Variants in TRAPPC10 observed in about 807,000 individuals in gnomAD.
The protein encoded by TRAPPC10 is TRAPP 130 kDa subunit.
A neutral mutation model predicts 125.5 loss-of-function variants in TRAPPC10; 23 were observed. The ratio of observed to expected loss-of-function variants is 0.18; its 90% CI spans 0.13 to 0.26. TRAPPC10 has a LOEUF of 0.26. TRAPPC10 is among the 10% of genes least tolerant of loss of function. The probability of loss-of-function intolerance (pLI) is 1.00; values close to 1 mark genes in which losing one functional copy is unlikely to be tolerated. For missense variants in TRAPPC10, 1,123 were observed against 1,308.4 expected (o/e 0.86, Z 2.19); for synonymous variants, 509 against 518.0 (o/e 0.98, Z 0.24).
chr21:44,063,252 C>T lies in TRAPPC10; in HGVS notation c.791-286C>T. ...GAGACAGAGCCTGAGCTCCCCTAAC[C>T]ATGTAGCCTGTCTGTCTCTGGGTGA... On this transcript the variant is annotated intron_variant, in intron 6 of 22. Coordinates refer to ENST00000291574, the MANE Select transcript of TRAPPC10 (RefSeq NM_003274.5). The surrounding 1 kb of genome is among the most constrained non-coding windows in gnomAD (Gnocchi z 4.4). 1 of 1,254,190 alleles carries T rather than the reference C, an allele frequency of 8.0e-7. No homozygotes were observed. Among genetic ancestry groups the T allele is most frequent in the Admixed American group, 3.3e-5 (1 of 30,212 alleles). 77.7% of individuals were successfully genotyped at this position (1,254,190 alleles called of 1,614,324 possible).
At chr21:44,071,481 C>T (rs2145991315) in intron 7 of TRAPPC10, among the ~76,000 whole-genome samples, 1 of 152,300 alleles carries the variant, frequency 6.6e-6, no homozygotes, top group South Asian at 2.1e-4. Context: ...GGTCTCGCTG[C>T]TGTGGAGCCC....
intron 4 of TRAPPC10, among the ~76,000 whole-genome samples, chr21:44,054,614 G>A (rs977756816): frequency 9.9e-5 from 15 of 152,154 alleles, no homozygotes; most frequent in African/African-American, 3.6e-4. Context: ...AGATAAATAC[G>A]TTGCCTTGTC....
At chr21:44,064,171 G>A (rs1464958379) in intron 7 of TRAPPC10, among the ~76,000 whole-genome samples, 2 of 152,210 alleles carry the variant, frequency 1.3e-5, no homozygotes, top group Non-Finnish European at 2.9e-5. Flanking sequence ...ATGTCATGTA[G>A]ACATTTATTT....
At chr21:44,080,581 A>G (rs2037627054) in intron 13 of TRAPPC10, among the ~76,000 whole-genome samples, 1 of 150,074 alleles carries the variant, frequency 6.7e-6, no homozygotes. Flanking sequence ...TCTGTTGTCC[A>G]GGCTGTAGTG....
intron 6 of TRAPPC10, chr21:44,062,784 T>C: frequency 1.0e-6 from 1 of 985,402 alleles, no homozygotes; most frequent in Non-Finnish European, 1.2e-6. Flanking sequence ...CTCACGTCAG[T>C]GAAGGGAGCG....
chr21:44,081,414 C>T (rs1012259999), intron 13 of TRAPPC10, among the ~76,000 whole-genome samples: 1 of 152,164 alleles, frequency 6.6e-6, no homozygotes, highest in African/African-American at 2.4e-5. Flanking sequence ...ACACCTCGGT[C>T]TCCCAAAGTG....
intron 1 of TRAPPC10, among the ~76,000 whole-genome samples, chr21:44,023,648 C>T (rs1209635450): frequency 1.3e-5 from 2 of 152,164 alleles, no homozygotes; most frequent in Non-Finnish European, 2.9e-5. Flanking sequence ...GCCAAGGAGC[C>T]CTGATTCCTT....
rs1191094216 is a variant in TRAPPC10 at position 44,020,923 on chromosome 21, T to TGCA, written c.67+8364_67+8365insCAG. ...CTCGGACCAATATTAGCATGTCTGA[T>TGCA]GACTCCTGCTTTACCAAGTACTTAG... On this transcript the variant is annotated intron_variant, in intron 1 of 22. Coordinates refer to ENST00000291574, the MANE Select transcript of TRAPPC10 (RefSeq NM_003274.5). Among the ~76,000 whole-genome samples, 3 of 152,336 alleles carry TGCA rather than the reference T, an allele frequency of 2.0e-5. No homozygotes were observed. The East Asian group carries it at 5.8e-4, about 29-fold the overall frequency.
intron 3 of TRAPPC10, chr21:44,046,894 A>T (rs1221807483): frequency 1.2e-6 from 1 of 821,158 alleles, no homozygotes; most frequent in East Asian, 2.7e-5. Flanking sequence ...ACACAGCGGC[A>T]GTCGCGCCCA....
At chr21:44,075,224 C>T (rs975185816) in intron 9 of TRAPPC10, 71 bp downstream of exon 9, 26 of 1,149,488 alleles carry the variant, frequency 2.3e-5, no homozygotes, top group African/African-American at 7.7e-5. Context: ...CAAGTTGGCA[C>T]ATTTAACCGA....
intron 4 of TRAPPC10, among the ~76,000 whole-genome samples, chr21:44,054,641 T>C (rs2035444612): frequency 6.6e-6 from 1 of 152,258 alleles, no homozygotes; most frequent in Non-Finnish European, 1.5e-5. Flanking sequence ...TGTTGGGAAC[T>C]TTGTGTAATT....
In TRAPPC10 at chr21:44,087,505, C is replaced by T. The variant is rs553129051; in HGVS notation, c.2540-194C>T. Among the ~76,000 whole-genome samples the T allele has an allele frequency of 6.0e-4, 92 of 152,318 alleles. 2 individuals are homozygous for T. In the Middle Eastern group the frequency reaches 0.01, roughly 17 times the overall value. The stretch of plus-strand genomic sequence containing the variant: ...CTTCAGATTGAGATCAATGATGGGT[C>T]TGGGCGCCTGCCTGCCGGCTTTCAC... On this transcript the variant is annotated intron_variant, in intron 16 of 22. Coordinates refer to ENST00000291574, the MANE Select transcript of TRAPPC10 (RefSeq NM_003274.5). The surrounding 1 kb of genome is among the most constrained non-coding windows in gnomAD (Gnocchi z 4.6).
At chr21:44,092,249 ATTC>A (rs1223169702) in intron 19 of TRAPPC10, among the ~76,000 whole-genome samples, 200 bp downstream of exon 19, 2 of 152,222 alleles carry the variant, frequency 1.3e-5, no homozygotes, top group African/African-American at 4.8e-5. Context: ...GGATGGATGA[ATTC>A]TTCTTTTTAG....
In TRAPPC10 at chr21:44,083,200, A is replaced by G. The variant is rs780309704; in HGVS notation, c.2136A>G (p.Leu712=). Residue 712 remains leucine, a synonymous_variant, in exon 14 of 23, where the codon CTA becomes CTG. Transcript: ENST00000291574. ...LLRRQESSSS[L]EMPSGVALEE... is the part of the protein sequence containing the mutation. ...GAAGGCAGGAGAGCAGCTCCTCTCTAGAGATGCCCTCAGGGGTGGCTCTGG... is the reference window on the plus strand; with the variant it reads ...GAAGGCAGGAGAGCAGCTCCTCTCTGGAGATGCCCTCAGGGGTGGCTCTGG... The G allele has an allele frequency of 6.2e-7, 1 of 1,614,086 alleles. No homozygotes were observed.
chr21:44,052,240 A>T, intron 3 of TRAPPC10, 40 bp from the exon 4 acceptor site: 1 of 1,506,446 alleles, frequency 6.6e-7, no homozygotes, highest in Non-Finnish European at 8.9e-7. Flanking sequence ...ACTAAAGGGC[A>T]TTAGTTAACC....
At chr21:44,045,357 T>C (rs1338020158) in intron 3 of TRAPPC10, among the ~76,000 whole-genome samples, 2 of 151,850 alleles carry the variant, frequency 1.3e-5, no homozygotes, top group East Asian at 3.9e-4. Flanking sequence ...TTTCAGCTTT[T>C]GTACATTGGG....
At chr21:44,019,675 T>G (rs894041152) in intron 1 of TRAPPC10, among the ~76,000 whole-genome samples, 3 of 152,222 alleles carry the variant, frequency 2.0e-5, no homozygotes, top group African/African-American at 7.2e-5. Flanking sequence ...CTTGAGCTCC[T>G]GAACTTAATT....
intron 12 of TRAPPC10, 99 bp from the exon 13 acceptor site, chr21:44,079,916 C>A: frequency 8.5e-7 from 1 of 1,182,548 alleles, no homozygotes. Flanking sequence ...AGCCCTTTGG[C>A]TTTTGAAGCC....
intron 8 of TRAPPC10, 79 bp from the exon 9 acceptor site, chr21:44,074,960 G>A: frequency 9.1e-7 from 1 of 1,096,386 alleles, no homozygotes; most frequent in East Asian, 2.5e-5. Flanking sequence ...AGCTGGATTT[G>A]AATTTTTATA....
Sources: gnomAD v4.1 joint callset for allele counts (sites outside exome capture counted in the v4.1 genomes callset) on GRCh38, gnomAD v4.1.1 for gene constraint, Gnocchi (gnomAD v3.1) non-coding constraint, MANE v1.5 for transcripts, NCBI Gene and HGNC (gene_info 2026-07-23, HGNC 2026-07-21) for gene names.